Variants in ST6GAL1 observed in about 807,000 individuals in gnomAD.
The protein encoded by ST6GAL1 is ST6 beta-galactoside alpha-2,6-sialyltransferase 1.
Under a neutral mutation model 38.0 loss-of-function variants are expected in ST6GAL1, and 20 were observed. The ratio of observed to expected loss-of-function variants is 0.53; its 90% CI spans 0.37 to 0.77. ST6GAL1 has a LOEUF of 0.77. ST6GAL1 is among the 30% of genes least tolerant of loss of function. ST6GAL1 has a pLI of 0.00. For missense variants in ST6GAL1, 432 were observed against 496.4 expected (o/e 0.87, Z 1.23); for synonymous variants, 196 against 188.2 (o/e 1.04, Z -0.34).
In ST6GAL1 at chr3:187,043,267, G is replaced by A. The variant is rs114376823; in HGVS notation, c.564G>A (p.Ser188=). The part of the protein sequence containing the change: ...AGPWGRCAVV[S]SAGSLKSSQL... Reference sequence around the variant, plus strand: ...CTTGGGGCAGGTGTGCTGTTGTGTCGTCAGCGGGATCTCTGAAGTCCTCCC... The same window carrying A: ...CTTGGGGCAGGTGTGCTGTTGTGTCATCAGCGGGATCTCTGAAGTCCTCCC... The change falls in exon 4 of 8, where the codon TCG becomes TCA. Residue 188 remains serine (S), a synonymous_variant. Coordinates refer to ENST00000169298, the MANE Select transcript of ST6GAL1 (RefSeq NM_173216.2). 1,664 of 1,614,104 alleles carry A rather than the reference G, an allele frequency of 1.0e-3. 17 individuals carry two copies. In the African/African-American group the frequency reaches 0.017, roughly 17 times the overall value.
At chr3:186,979,524 G>A (rs1045181225) in intron 2 of ST6GAL1, among the ~76,000 whole-genome samples, 1 of 151,352 alleles carries the variant, frequency 6.6e-6, no homozygotes, top group African/African-American at 2.4e-5. Flanking sequence ...GAGGGTAGGG[G>A]TAGAAGAGGA....
At chr3:186,947,429 T>C (rs2108518758) in intron 1 of ST6GAL1, among the ~76,000 whole-genome samples, 1 of 152,342 alleles carries the variant, frequency 6.6e-6, no homozygotes, top group Admixed American at 6.5e-5. Context: ...GGTTTTTCTA[T>C]TGTGCTATGA....
intron 2 of ST6GAL1, chr3:187,006,205 C>T (rs1052865125): frequency 2.3e-4 from 35 of 152,152 alleles, no homozygotes; most frequent in African/African-American, 8.2e-4. Flanking sequence ...GAGATCATTC[C>T]GTCGGCTCCT....
intron 2 of ST6GAL1, among the ~76,000 whole-genome samples, chr3:187,005,275 T>C (rs866385212): frequency 0.14 from 19,668 of 136,264 alleles, 1,802 homozygotes; most frequent in African/African-American, 0.28. Context: ...TTTTCTTTTT[T>C]TTTTTTTTTT....
chr3:186,938,912 C>T (rs1323167420), intron 1 of ST6GAL1, among the ~76,000 whole-genome samples: 1 of 152,096 alleles, frequency 6.6e-6, no homozygotes, highest in Non-Finnish European at 1.5e-5. Flanking sequence ...CTGAGTTGTG[C>T]TGGCTAAGAG....
chr3:186,997,534 T>G (rs1431125967), intron 2 of ST6GAL1, among the ~76,000 whole-genome samples: 1 of 151,858 alleles, frequency 6.6e-6, no homozygotes, highest in African/African-American at 2.4e-5. Context: ...GGTGGGAGGA[T>G]TGCTTGAGTC....
intron 1 of ST6GAL1, among the ~76,000 whole-genome samples, chr3:186,954,401 C>T (rs1010945616): frequency 1.3e-5 from 2 of 152,192 alleles, no homozygotes; most frequent in East Asian, 3.8e-4. Flanking sequence ...TTTGAGGACT[C>T]ACCACACTGT....
At chr3:186,980,474 G>A (rs1715656917) in intron 2 of ST6GAL1, among the ~76,000 whole-genome samples, 1 of 152,002 alleles carries the variant, frequency 6.6e-6, no homozygotes, top group African/African-American at 2.4e-5. Context: ...TAAAGATAGA[G>A]GTCGGATGGG....
At chr3:187,052,970 A>C (rs1221376029) in intron 5 of ST6GAL1, among the ~76,000 whole-genome samples, 7 of 152,124 alleles carry the variant, frequency 4.6e-5, no homozygotes, top group Non-Finnish European at 5.9e-5. Context: ...TTGTTTCCTG[A>C]CTTTTTAATG....
At chr3:187,070,590 A>G (rs990160975) in intron 5 of ST6GAL1, among the ~76,000 whole-genome samples, 2 of 151,308 alleles carry the variant, frequency 1.3e-5, no homozygotes, top group African/African-American at 4.9e-5. Flanking sequence ...ATGCCCGGCT[A>G]ATGTTTGTAT....
intron 2 of ST6GAL1, among the ~76,000 whole-genome samples, chr3:187,013,502 C>T (rs911744234): frequency 2.0e-5 from 3 of 152,188 alleles, no homozygotes; most frequent in African/African-American, 7.2e-5. Context: ...GACCCTGCCT[C>T]CCACGAGGGT....
intron 2 of ST6GAL1, among the ~76,000 whole-genome samples, chr3:187,013,695 G>A (rs570322454): frequency 4.3e-4 from 66 of 152,176 alleles, no homozygotes; most frequent in Admixed American, 1.2e-3. Context: ...AGCTATTCTC[G>A]TGCCTCAGCC....
intron 2 of ST6GAL1, among the ~76,000 whole-genome samples, chr3:186,973,061 G>A (rs1715403466): frequency 6.6e-6 from 1 of 152,088 alleles, no homozygotes; most frequent in South Asian, 2.1e-4. Flanking sequence ...TTGAGATGGA[G>A]TTTTGCTCTT....
intron 2 of ST6GAL1, among the ~76,000 whole-genome samples, chr3:187,007,829 C>T (rs1161404257): frequency 6.6e-6 from 1 of 152,098 alleles, no homozygotes; most frequent in Non-Finnish European, 1.5e-5. Context: ...AAGTTCTCAG[C>T]AGAGAACTAG....
At chr3:186,999,029 C>T (rs961717521) in intron 2 of ST6GAL1, among the ~76,000 whole-genome samples, 1 of 152,246 alleles carries the variant, frequency 6.6e-6, no homozygotes, top group Non-Finnish European at 1.5e-5. Context: ...CCACTGTGGC[C>T]AACTGCCAGC....
At chr3:186,953,773 C>G (rs1037172688) in intron 1 of ST6GAL1, among the ~76,000 whole-genome samples, 3 of 151,620 alleles carry the variant, frequency 2.0e-5, no homozygotes, top group Non-Finnish European at 4.4e-5. Flanking sequence ...TTGGAATAAC[C>G]CAAAATTTAT....
chr3:187,006,237 C>G (rs1376345559), intron 2 of ST6GAL1: 2 of 152,136 alleles, frequency 1.3e-5, no homozygotes, highest in Non-Finnish European at 2.9e-5. Context: ...CAGTCTACCT[C>G]TGTGGTCTGA....
intron 2 of ST6GAL1, among the ~76,000 whole-genome samples, chr3:186,993,712 C>A (rs1716263391): frequency 1.3e-5 from 2 of 152,014 alleles, no homozygotes; most frequent in African/African-American, 4.8e-5. Context: ...GCCTGGGAAA[C>A]TAGATTTGAA....
At chr3:186,978,253 G>C (rs747831007) in intron 2 of ST6GAL1, among the ~76,000 whole-genome samples, 28 of 151,902 alleles carry the variant, frequency 1.8e-4, no homozygotes, top group Non-Finnish European at 3.4e-4. Flanking sequence ...TCTCAGAGAG[G>C]TTAAGGGAAT....
Sources: gnomAD v4.1 joint callset for allele counts (sites outside exome capture counted in the v4.1 genomes callset) on GRCh38, gnomAD v4.1.1 for gene constraint, MANE v1.5 for transcripts, NCBI Gene and HGNC (gene_info 2026-07-23, HGNC 2026-07-21) for gene names.